SLC9A8: variants seen among roughly 807,000 people sequenced by gnomAD.
SLC9A8 encodes solute carrier family 9 member A8.
A neutral mutation model predicts 66.6 loss-of-function variants in SLC9A8; 48 were observed. That is an observed-to-expected ratio of 0.72 (90% confidence interval 0.57 to 0.92). SLC9A8 has a LOEUF of 0.92. Ranked by LOEUF, SLC9A8 falls within the 40% of genes least tolerant of loss-of-function variation. SLC9A8 has a pLI of 0.00. For synonymous variants in SLC9A8, 274 were observed against 282.6 expected, an observed-to-expected ratio of 0.97 and a Z score of 0.31; for missense variants, 599 against 747.3, an observed-to-expected ratio of 0.80 and a Z score of 2.31.
intron 3 of SLC9A8, among the ~76,000 whole-genome samples, chr20:49,833,676 C>A (rs1014282577): frequency 1.3e-5 from 2 of 152,140 alleles, no homozygotes; most frequent in African/African-American, 4.8e-5. Context: ...AACGGGCCAG[C>A]ATCCTTACTG....
intron 11 of SLC9A8, among the ~76,000 whole-genome samples, chr20:49,877,240 G>T (rs763671230): frequency 2.0e-5 from 3 of 151,988 alleles, no homozygotes; most frequent in Non-Finnish European, 4.4e-5. Context: ...GTTGCAGTGA[G>T]CCGAGATCGT....
intron 6 of SLC9A8, 84 bp downstream of exon 6, chr20:49,849,764 C>T: frequency 9.5e-7 from 1 of 1,049,480 alleles, no homozygotes; most frequent in Middle Eastern, 2.0e-4. Flanking sequence ...AATGGGGCCA[C>T]TTTGTGGGGC....
Position 49,838,181 on chromosome 20 carries a change from AAGAG to A in SLC9A8, c.290-1354_290-1351del, listed in dbSNP as rs574395418. Reference sequence around the variant, plus strand: ...AGATAGTTGGTTACCTTGGGCTAGGAAGAGAGAGAACGAAGATGGGGGTGGAAGT... The same window carrying A: ...AGATAGTTGGTTACCTTGGGCTAGGAAGAGAACGAAGATGGGGGTGGAAGT... On this transcript the variant is annotated intron_variant, in intron 3 of 15. Transcript: ENST00000361573. 2.0e-5 allele frequency among the ~76,000 whole-genome samples: 3 copies of A among 152,324 alleles called. No individual in the cohort carries two copies. The South Asian group carries it at 6.2e-4, about 32-fold the overall frequency.
At chr20:49,849,002 A>G (rs924391207) in intron 5 of SLC9A8, among the ~76,000 whole-genome samples, 2 of 152,200 alleles carry the variant, frequency 1.3e-5, no homozygotes, top group African/African-American at 4.8e-5. Context: ...AGTCTTGTCA[A>G]CCGCTACAAG....
intron 9 of SLC9A8, chr20:49,864,065 TC>T (rs1046338986): frequency 6.6e-6 from 1 of 151,770 alleles, no homozygotes; most frequent in African/African-American, 2.4e-5. Context: ...TCTATATTTA[TC>T]TTTTTCTTTA....
intron 3 of SLC9A8, chr20:49,830,711 T>C (rs2087140525): frequency 2.9e-6 from 2 of 691,062 alleles, no homozygotes; most frequent in Non-Finnish European, 5.3e-6. Context: ...CCTTCCTAGG[T>C]GAAGTTGGCA....
intron 10 of SLC9A8, among the ~76,000 whole-genome samples, chr20:49,865,724 A>C (rs1396896473): frequency 6.6e-6 from 1 of 152,234 alleles, no homozygotes; most frequent in East Asian, 1.9e-4. Flanking sequence ...TACAAGTGGC[A>C]GTCAAGCTTG....
In SLC9A8 at chr20:49,890,676, G is replaced by C. The variant is rs976244861; in HGVS notation, c.*2740G>C. On this transcript the variant is annotated 3_prime_UTR_variant, in exon 16 of 16. Coordinates refer to ENST00000361573, the MANE Select transcript of SLC9A8 (RefSeq NM_015266.3). ...TCGCAGGGAAAAGGGCTGGCTTCTA[G>C]GTCCCCGAGATAAGTGTGCAGGGGG... is the stretch of plus-strand genomic sequence containing the variant. 2.0e-5 allele frequency: 3 copies of C among 152,496 alleles called. No homozygotes were observed. Among genetic ancestry groups the C allele is most frequent in the Admixed American group, 6.5e-5 (1 of 15,308 alleles). The allele number at this position is 152,496 out of a possible 1,614,324, so 9.4% of individuals were successfully genotyped here.
At chr20:49,878,172 C>A in intron 12 of SLC9A8, 109 bp downstream of exon 12, 1 of 547,736 alleles carries the variant, frequency 1.8e-6, no homozygotes, top group Non-Finnish European at 3.0e-6. Context: ...TCAACAGCTA[C>A]ATAGACACTC....
Position 49,830,732 on chromosome 20 carries a change from G to A in SLC9A8, c.289+7591G>A, listed in dbSNP as rs1386827433. 8.3e-6 allele frequency: 6 copies of A among 723,072 alleles called. No homozygotes were observed. In the East Asian group the frequency reaches 1.5e-4, roughly 18 times the overall value. The allele number at this position is 723,072 out of a possible 1,614,324, so 44.8% of individuals were successfully genotyped here. On this transcript the variant is annotated intron_variant, in intron 3 of 15. Transcript: ENST00000361573. ...TAGGTGAAGTTGGCAACGCAGCCAA[G>A]ATGATGCTGATTGTAAACATAGTCC...
At chr20:49,823,248 C>T (rs2086805997) in intron 3 of SLC9A8, 107 bp downstream of exon 3, 1 of 850,076 alleles carries the variant, frequency 1.2e-6, no homozygotes, top group Non-Finnish European at 2.0e-6. Flanking sequence ...CATCCCTGAT[C>T]TCATTTGATC....
chr20:49,871,560 G>A (rs1412275427), intron 10 of SLC9A8, among the ~76,000 whole-genome samples: 1 of 152,184 alleles, frequency 6.6e-6, no homozygotes, highest in Non-Finnish European at 1.5e-5. Flanking sequence ...TTGTGTTTCT[G>A]TAGCCTGCTC....
At chr20:49,864,633 A>C (rs181276211) in intron 9 of SLC9A8, 106 bp from the exon 10 acceptor site, 3 of 749,308 alleles carry the variant, frequency 4.0e-6, no homozygotes, top group Middle Eastern at 2.3e-4. Context: ...TCTAAAATCT[A>C]TATCTGTTGT....
At chr20:49,820,366 T>C (rs1436408364) in intron 2 of SLC9A8, among the ~76,000 whole-genome samples, 2 of 151,734 alleles carry the variant, frequency 1.3e-5, no homozygotes, top group Non-Finnish European at 2.9e-5. Context: ...CGTGGTGGCA[T>C]ACACCTATAA....
At chr20:49,884,273 C>CA (rs1346017867) in intron 14 of SLC9A8, 11 of 209,030 alleles carry the variant, frequency 5.3e-5, no homozygotes, top group Admixed American at 7.2e-5. Flanking sequence ...CACACACACA[C>CA]GACACACACA....
chr20:49,837,272 C>T (rs567740071), intron 3 of SLC9A8, among the ~76,000 whole-genome samples: 8 of 151,654 alleles, frequency 5.3e-5, no homozygotes, highest in East Asian at 3.9e-4. Context: ...ATGTATAAAA[C>T]GAAGCTGTGC....
Position 49,880,916 on chromosome 20 carries a change from A to C in SLC9A8, c.1159-8A>C, listed in dbSNP as rs758595439. ...TTCACCTAAGACTTAGTTTGTTGCT[A>C]TCAACAGGTGCTTGTACTATTTGGC... On this transcript the variant is annotated splice_region_variant and splice_polypyrimidine_tract_variant and intron_variant, in intron 12 of 15. Coordinates refer to ENST00000361573, the MANE Select transcript of SLC9A8 (RefSeq NM_015266.3). 6.3e-7 allele frequency: 1 copy of C among 1,593,288 alleles called. No individual in the cohort carries two copies. The highest frequency in any genetic ancestry group is 1.7e-5 in the Admixed American group (1 of 60,000).
At chr20:49,862,701 G>T (rs1227582718) in intron 8 of SLC9A8, among the ~76,000 whole-genome samples, 2 of 152,166 alleles carry the variant, frequency 1.3e-5, no homozygotes, top group Non-Finnish European at 1.5e-5. Context: ...TCATTAGCCT[G>T]AGGGGAGGAG....
chr20:49,835,036 C>T (rs560170565), intron 3 of SLC9A8, among the ~76,000 whole-genome samples: 6 of 152,136 alleles, frequency 3.9e-5, no homozygotes, highest in South Asian at 2.1e-4. Context: ...GATTATCCAG[C>T]GCGACTGAGG....
Sources: allele counts gnomAD v4.1 joint callset (sites outside exome capture counted in the v4.1 genomes callset), GRCh38; gene constraint gnomAD v4.1.1; transcripts MANE v1.5; gene names NCBI Gene and HGNC (gene_info 2026-07-23, HGNC 2026-07-21).